The following KLF13 variants were observed in gnomAD, a reference collection of about 807,000 sequenced individuals.
KLF13 encodes KLF transcription factor 13.
A neutral mutation model predicts 16.7 loss-of-function variants in KLF13; 8 were observed. That is an observed-to-expected ratio of 0.48 (90% CI 0.28 to 0.87). The LOEUF is 0.87. Among genes scored for constraint, KLF13 ranks in the 40% least tolerant of loss-of-function variants. The pLI, the probability that KLF13 is intolerant of heterozygous loss-of-function variation, is 0.10. For synonymous variants in KLF13, 245 were observed against 208.4 expected, an observed-to-expected ratio of 1.18 and a Z score of -1.51; for missense variants, 447 against 452.2, an observed-to-expected ratio of 0.99 and a Z score of 0.10.
At chr15:31,394,892 G>A (rs2039934193) in intron 2 of KLF13, among the ~76,000 whole-genome samples, 1 of 152,054 alleles carries the variant, frequency 6.6e-6, no homozygotes, top group Non-Finnish European at 1.5e-5. Context: ...AACAATATGT[G>A]GCTTTTTTGT....
At chr15:31,399,785 T>C (rs1010528907) in intron 2 of KLF13, among the ~76,000 whole-genome samples, 1 of 152,242 alleles carries the variant, frequency 6.6e-6, no homozygotes, top group Non-Finnish European at 1.5e-5. Flanking sequence ...TAGGGCTTTT[T>C]TGTGCATGTG....
chr15:31,377,715 C>G lies in KLF13; in HGVS notation c.*5416C>G, dbSNP rs1172543950. ...AGTGAAGTATTACAGTTGTACAGTT[C>G]CCAGTCTGGCCTTGGCTTGCTCGGA... On this transcript the variant is annotated 3_prime_UTR_variant, in exon 2 of 2. Coordinates refer to ENST00000307145, the MANE Select transcript of KLF13 (RefSeq NM_015995.4). The G allele has an allele frequency of 6.6e-6, 1 of 152,596 alleles. No individual in the cohort carries two copies. The highest frequency in any genetic ancestry group is 6.5e-5 in the Admixed American group (1 of 15,276). The allele number at this position is 152,596 out of a possible 1,614,324, so 9.5% of individuals were successfully genotyped here.
At chr15:31,333,176 C>T (rs533744626) in intron 1 of KLF13, among the ~76,000 whole-genome samples, 1 of 152,188 alleles carries the variant, frequency 6.6e-6, no homozygotes, top group Non-Finnish European at 1.5e-5. Context: ...TTCACAAGGA[C>T]CCTATGAAGT....
chr15:31,382,360 C>T (rs763334402), downstream of KLF13, among the ~76,000 whole-genome samples: 1 of 152,190 alleles, frequency 6.6e-6, no homozygotes, highest in Non-Finnish European at 1.5e-5. Context: ...GTACGAGGCT[C>T]AGAGGGTTGA....
rs1017958225 is a variant in KLF13 at position 31,327,205 on chromosome 15, C to T, written c.-8C>T. On this transcript the variant is annotated 5_prime_UTR_variant, in exon 1 of 2. Transcript: ENST00000307145. The stretch of plus-strand genomic sequence containing the variant: ...GCAAGAGCACCGCCGCCGGCCCCAG[C>T]CCGCAGCATGGCAGCCGCCGCCTAT... The T allele has an allele frequency of 4.6e-5, 62 of 1,335,494 alleles. No homozygotes were observed. The highest frequency in any genetic ancestry group is 2.8e-4 in the Middle Eastern group (1 of 3,532). The allele number at this position is 1,335,494 out of a possible 1,614,324, so 82.7% of individuals were successfully genotyped here.
chr15:31,337,447 T>G (rs1379832681), intron 1 of KLF13, among the ~76,000 whole-genome samples: 2 of 152,214 alleles, frequency 1.3e-5, no homozygotes, highest in Non-Finnish European at 2.9e-5. Flanking sequence ...GCCCTTTTTT[T>G]CTGCTTGCAT....
At chr15:31,347,396 G>A (rs534885154) in intron 1 of KLF13, among the ~76,000 whole-genome samples, 1 of 152,308 alleles carries the variant, frequency 6.6e-6, no homozygotes, top group African/African-American at 2.4e-5. Flanking sequence ...AGGCAGGGAA[G>A]AGCTACCCAG....
At chr15:31,410,711 A>G (rs1216228472) in intron 1 of KLF13, among the ~76,000 whole-genome samples, 1 of 152,154 alleles carries the variant, frequency 6.6e-6, no homozygotes, top group Non-Finnish European at 1.5e-5. Flanking sequence ...TCAGTTTTCC[A>G]AAAAGCCACA....
At chr15:31,390,084 GAAT>G (rs897239049), upstream of KLF13, among the ~76,000 whole-genome samples, 1 of 152,076 alleles carries the variant, frequency 6.6e-6, no homozygotes, top group Non-Finnish European at 1.5e-5. Flanking sequence ...ATTAATAACA[GAAT>G]AATAATGTGC....
downstream of KLF13, among the ~76,000 whole-genome samples, chr15:31,382,783 G>C (rs1288936458): frequency 6.6e-6 from 1 of 152,206 alleles, no homozygotes; most frequent in East Asian, 1.9e-4. Context: ...GTGACTCCCT[G>C]TGCCCAGGCT....
At chr15:31,369,444 T>C (rs1034284041) in intron 1 of KLF13, among the ~76,000 whole-genome samples, 2 of 152,270 alleles carry the variant, frequency 1.3e-5, no homozygotes, top group East Asian at 1.9e-4. Context: ...GGCTCGGAGC[T>C]CTTGACCCAT....
intron 1 of KLF13, among the ~76,000 whole-genome samples, chr15:31,340,585 C>T (rs766089583): frequency 6.6e-6 from 1 of 152,210 alleles, no homozygotes; most frequent in Non-Finnish European, 1.5e-5. Context: ...GGAAAATATA[C>T]TTTTTTAGTG....
chr15:31,432,244 G>C (rs1228327656), intron 1 of KLF13, among the ~76,000 whole-genome samples: 1 of 151,964 alleles, frequency 6.6e-6, no homozygotes, highest in Non-Finnish European at 1.5e-5. Flanking sequence ...CTGGAAAGGG[G>C]GCTCCTTCCT....
At chr15:31,354,479 C>G (rs1414902337) in intron 1 of KLF13, among the ~76,000 whole-genome samples, 1 of 152,236 alleles carries the variant, frequency 6.6e-6, no homozygotes, top group Non-Finnish European at 1.5e-5. Flanking sequence ...CTCCCGCGTT[C>G]AAGCAATTCT....
At chr15:31,392,875 A>G (rs892578261) in exon 1 of KLF13, 4 of 138,650 alleles carry the variant, frequency 2.9e-5, no homozygotes, top group South Asian at 2.7e-4. Flanking sequence ...GGCTGCCGTG[A>G]GCCGGTCCGA....
At chr15:31,423,133 G>GTATACATATACGTATA (rs2040356454) in intron 1 of KLF13, among the ~76,000 whole-genome samples, 2 of 95,646 alleles carry the variant, frequency 2.1e-5, no homozygotes, top group African/African-American at 1.3e-4. Context: ...GTATATATAC[G>GTATACATATACGTATA]TATACGTATA....
chr15:31,415,462 A>C (rs79889983), intron 1 of KLF13, among the ~76,000 whole-genome samples: 2,730 of 152,310 alleles, frequency 0.018, 61 homozygotes, highest in African/African-American at 0.053. Flanking sequence ...ATGGAATGAA[A>C]TTAGAAATTT....
chr15:31,356,508 C>T (rs771462045), intron 1 of KLF13, among the ~76,000 whole-genome samples: 4 of 152,214 alleles, frequency 2.6e-5, no homozygotes, highest in Non-Finnish European at 5.9e-5. Flanking sequence ...GCCAAGATCG[C>T]GCCACTGCAC....
At chr15:31,383,247 C>T (rs1203865742) in intron 1 of KLF13, among the ~76,000 whole-genome samples, 4 of 152,178 alleles carry the variant, frequency 2.6e-5, no homozygotes, top group Non-Finnish European at 5.9e-5. Flanking sequence ...TTTCTGAGAT[C>T]GACTGTTGGC....
Sources: gnomAD v4.1 joint callset for allele counts (sites outside exome capture counted in the v4.1 genomes callset) on GRCh38, gnomAD v4.1.1 for gene constraint, MANE v1.5 for transcripts, NCBI Gene and HGNC (gene_info 2026-07-23, HGNC 2026-07-21) for gene names.